Variants in NCAPD3 observed in about 807,000 individuals in gnomAD.
The protein encoded by NCAPD3 is condensin-2 complex subunit D3.
Under a neutral mutation model 182.9 loss-of-function variants are expected in NCAPD3, and 105 were observed. The observed-to-expected ratio is 0.57, with a 90% CI of 0.49 to 0.68. NCAPD3 has a LOEUF of 0.68. Ranked by LOEUF, NCAPD3 falls within the 30% of genes least tolerant of loss-of-function variation. The probability of loss-of-function intolerance (pLI) is 0.00; values close to 1 mark genes in which losing one functional copy is unlikely to be tolerated. For synonymous variants in NCAPD3, 815 were observed against 679.9 expected, an observed-to-expected ratio of 1.20 and a Z score of -3.09; for missense variants, 1,944 against 1,837.0, an observed-to-expected ratio of 1.06 and a Z score of -1.07.
chr11:134,175,815 G>A (rs1222905714), intron 24 of NCAPD3, among the ~76,000 whole-genome samples: 1 of 152,150 alleles, frequency 6.6e-6, no homozygotes, highest in Non-Finnish European at 1.5e-5. Flanking sequence ...ACAGAAGTCT[G>A]AAGAAATGCC....
At chr11:134,205,695 A>C (rs1937598726) in intron 8 of NCAPD3, among the ~76,000 whole-genome samples, 1 of 152,162 alleles carries the variant, frequency 6.6e-6, no homozygotes, top group African/African-American at 2.4e-5. Flanking sequence ...AAATTTCTAC[A>C]ATGCCCAGAC....
At chr11:134,172,016 G>A (rs1366091413) in intron 24 of NCAPD3, among the ~76,000 whole-genome samples, 1 of 152,168 alleles carries the variant, frequency 6.6e-6, no homozygotes, top group African/African-American at 2.4e-5. Context: ...TGCCCCTCAG[G>A]AAACCTACAC....
At chr11:134,187,285 A>G (rs1327566038) in intron 16 of NCAPD3, among the ~76,000 whole-genome samples, 1 of 152,198 alleles carries the variant, frequency 6.6e-6, no homozygotes, top group East Asian at 1.9e-4. Context: ...CATCTCCTGT[A>G]ACTAATTCCT....
At chr11:134,156,093 C>T (rs1005891155) in intron 32 of NCAPD3, among the ~76,000 whole-genome samples, 1 of 152,194 alleles carries the variant, frequency 6.6e-6, no homozygotes, top group Non-Finnish European at 1.5e-5. Flanking sequence ...TCTCATCTTC[C>T]CCTGCAGTCA....
chr11:134,224,083 G>C, upstream of NCAPD3: 1 of 863,970 alleles, frequency 1.2e-6, no homozygotes, highest in South Asian at 1.7e-5. Flanking sequence ...CCAATCACCG[G>C]CGTCGTCCGC....
At chr11:134,160,583 G>A (rs964985364) in intron 28 of NCAPD3, among the ~76,000 whole-genome samples, 7 of 152,138 alleles carry the variant, frequency 4.6e-5, no homozygotes, top group African/African-American at 1.4e-4. Flanking sequence ...CCATCTTTGT[G>A]TCTTCTTCTG....
rs1943534573 is a variant in NCAPD3 at position 134,160,081 on chromosome 11, CAG to C, written c.3685-9_3685-8del. 6.2e-7 allele frequency: 1 copy of C among 1,613,372 alleles called. No individual in the cohort carries two copies. The highest frequency in any genetic ancestry group is 8.5e-7 in the Non-Finnish European group (1 of 1,179,624). On this transcript the variant is annotated splice_region_variant and splice_polypyrimidine_tract_variant and intron_variant, in intron 28 of 34. Transcript: ENST00000534548. Reference sequence around the variant, plus strand: ...GGTAATCCTGCATCACCTCCTGAAACAGAGCCAGGAGCATCCTTTCATGTTTT... The same window carrying C: ...GGTAATCCTGCATCACCTCCTGAAACAGCCAGGAGCATCCTTTCATGTTTT...
intron 32 of NCAPD3, among the ~76,000 whole-genome samples, chr11:134,155,961 C>T (rs937245991): frequency 3.3e-5 from 5 of 152,178 alleles, no homozygotes; most frequent in Middle Eastern, 3.2e-3. Context: ...TGTGACAGAA[C>T]CAAACAAGCA....
Position 134,151,801 on chromosome 11 carries a change from T to C in NCAPD3, c.*1143A>G, listed in dbSNP as rs1268549312. 6.6e-6 allele frequency: 1 copy of C among 152,198 alleles called. No individual in the cohort carries two copies. The highest frequency in any genetic ancestry group is 1.5e-5 in the Non-Finnish European group (1 of 68,040). The allele number at this position is 152,198 out of a possible 1,614,324, so 9.4% of individuals were successfully genotyped here. A position where few individuals can be genotyped will look rare whatever the true frequency, so the allele number is the denominator to read the frequency against. ...TTGCTCTTACGTTGGGTTTGTCTCTTCTTCCTAGCATTTCAGTGGTTAGGC... is the reference window on the plus strand; with the variant it reads ...TTGCTCTTACGTTGGGTTTGTCTCTCCTTCCTAGCATTTCAGTGGTTAGGC... On this transcript the variant is annotated 3_prime_UTR_variant, in exon 35 of 35. Transcript: ENST00000534548.
Position 134,194,649 on chromosome 11 carries a change from C to T in NCAPD3, c.1689+16G>A, listed in dbSNP as rs1178164129. Reference sequence around the variant, plus strand: ...TTTAGTGCTTAAAAAAAAAAATGTGCAGAGAAAACTCCCACCTGCAGTGCA... The same window carrying T: ...TTTAGTGCTTAAAAAAAAAAATGTGTAGAGAAAACTCCCACCTGCAGTGCA... On this transcript the variant is annotated intron_variant, in intron 14 of 34. Transcript: ENST00000534548. 1 of 1,549,132 alleles carries T rather than the reference C, an allele frequency of 6.5e-7. No individual in the cohort carries two copies. Among genetic ancestry groups the T allele is most frequent in the South Asian group, 1.2e-5 (1 of 82,962 alleles).
chr11:134,163,871 CAAA>C (rs60340458), intron 27 of NCAPD3, among the ~76,000 whole-genome samples: 3 of 70,882 alleles, frequency 4.2e-5, no homozygotes, highest in Admixed American at 1.8e-4. Flanking sequence ...GATTCTGTCT[CAAA>C]AAAAAAAAAA....
intron 24 of NCAPD3, among the ~76,000 whole-genome samples, chr11:134,170,162 G>A (rs1000605025): frequency 6.6e-6 from 1 of 152,210 alleles, no homozygotes; most frequent in African/African-American, 2.4e-5. Context: ...AAATTCCACT[G>A]TAGATAATTA....
rs1224224022 is a variant in NCAPD3, at chr11:134,168,143, G to A, written c.3426C>T (p.Leu1142=). 1.2e-6 allele frequency: 2 copies of A among 1,614,168 alleles called. No individual in the cohort carries two copies. The highest frequency in any genetic ancestry group is 1.1e-5 in the South Asian group (1 of 91,086). The change falls in exon 27 of 35, where the codon CTC becomes CTT. Residue 1142 remains leucine (L), a synonymous_variant. Coordinates refer to ENST00000534548, the MANE Select transcript of NCAPD3 (RefSeq NM_015261.3). ...LPLDLDASEL[L]SDTFEVLSSK... ...AGCTGAGGACCTCAAACGTGTCTGA[G>A]AGTAACTCACTGGCGTCCAGGTCCA...
rs553822926 is a variant in NCAPD3, at chr11:134,221,979, T to C, written c.65-1253A>G. ...TTTCCAGTAATGTTTTAAAGGTCAT[T>C]ATAGACCACAGCAAAAGTTATCTCA... On this transcript the variant is annotated intron_variant, in intron 1 of 34. Transcript: ENST00000534548. 2.0e-5 allele frequency among the ~76,000 whole-genome samples: 3 copies of C among 152,340 alleles called. No homozygotes were observed. The South Asian group carries it at 6.2e-4, about 32-fold the overall frequency.
intron 3 of NCAPD3, among the ~76,000 whole-genome samples, chr11:134,211,348 C>T (rs1937825057): frequency 2.0e-5 from 3 of 152,204 alleles, no homozygotes; most frequent in Admixed American, 2.0e-4. Context: ...CAACAACATT[C>T]CAAATGCCCA....
intron 19 of NCAPD3, among the ~76,000 whole-genome samples, chr11:134,181,546 T>C (rs1199220790): frequency 6.6e-6 from 1 of 152,230 alleles, no homozygotes; most frequent in East Asian, 1.9e-4. Flanking sequence ...TTTGCTGCCA[T>C]ATACAGATGA....
At chr11:134,164,728 T>C (rs1256675590) in intron 27 of NCAPD3, among the ~76,000 whole-genome samples, 3 of 146,072 alleles carry the variant, frequency 2.1e-5, no homozygotes, top group Non-Finnish European at 3.0e-5. Flanking sequence ...ACTTGCGACA[T>C]GAGTTTAGGG....
intron 24 of NCAPD3, among the ~76,000 whole-genome samples, chr11:134,171,497 C>T (rs1944005243): frequency 6.6e-6 from 1 of 152,132 alleles, no homozygotes; most frequent in Non-Finnish European, 1.5e-5. Flanking sequence ...TAAAGGCAGA[C>T]TCAAGAGTTC....
intron 17 of NCAPD3, 116 bp from the exon 18 acceptor site, chr11:134,185,116 G>C: frequency 1.1e-6 from 1 of 944,420 alleles, no homozygotes; most frequent in Non-Finnish European, 1.7e-6. Context: ...GCATGGCTTA[G>C]GAGTCAAGCT....
Sources: allele counts gnomAD v4.1 joint callset (sites outside exome capture counted in the v4.1 genomes callset), GRCh38; gene constraint gnomAD v4.1.1; transcripts MANE v1.5; gene names NCBI Gene and HGNC (gene_info 2026-07-23, HGNC 2026-07-21).